IGSF5: variants seen among roughly 807,000 people sequenced by gnomAD.
The protein encoded by IGSF5 is immunoglobulin superfamily 5 like.
In IGSF5, 41 loss-of-function variants were observed where a neutral mutation model predicts 39.4. That is an observed-to-expected ratio of 1.04 (90% CI 0.81 to 1.35). IGSF5 has a LOEUF of 1.35. Among genes scored for constraint, IGSF5 ranks in the 40% most tolerant of loss-of-function variants. The pLI is 0.00. For synonymous variants in IGSF5, 183 were observed against 175.3 expected (o/e 1.04, Z -0.34); for missense variants, 487 against 494.6 (o/e 0.98, Z 0.15).
At chr21:39,748,075 C>T (rs899052887) in intron 2 of IGSF5, among the ~76,000 whole-genome samples, 35 of 152,072 alleles carry the variant, frequency 2.3e-4, no homozygotes, top group Admixed American at 6.6e-4. Flanking sequence ...GGGAGAAACA[C>T]TACTCTCTGT....
At chr21:39,753,583 C>T (rs992918036) in intron 2 of IGSF5, among the ~76,000 whole-genome samples, 4 of 152,050 alleles carry the variant, frequency 2.6e-5, no homozygotes, top group African/African-American at 7.2e-5. Flanking sequence ...TATTGAAGTC[C>T]CCCACTATTA....
intron 2 of IGSF5, among the ~76,000 whole-genome samples, 182 bp from the exon 3 acceptor site, chr21:39,765,353 G>A (rs1328091301): frequency 6.6e-6 from 1 of 152,156 alleles, no homozygotes; most frequent in Non-Finnish European, 1.5e-5. Context: ...GCATGGCAGT[G>A]GCTTCCACCG....
chr21:39,767,399 G>T (rs1569252355), intron 3 of IGSF5, among the ~76,000 whole-genome samples: 1 of 152,138 alleles, frequency 6.6e-6, no homozygotes, highest in Non-Finnish European at 1.5e-5. Flanking sequence ...GTGGTCTAGT[G>T]GTCAGGAGTG....
chr21:39,794,463 G>A (rs8134415), intron 8 of IGSF5, among the ~76,000 whole-genome samples: 2,620 of 152,232 alleles, frequency 0.017, 35 homozygotes, highest in Non-Finnish European at 0.024. Flanking sequence ...TTAAGTAAAC[G>A]GTCAACTGGC....
chr21:39,797,033 C>T (rs560644255), intron 8 of IGSF5, among the ~76,000 whole-genome samples: 2 of 152,282 alleles, frequency 1.3e-5, no homozygotes, highest in Admixed American at 6.5e-5. Context: ...TGTTAACACT[C>T]GGCAATTTCA....
intron 1 of IGSF5, among the ~76,000 whole-genome samples, chr21:39,745,989 G>A (rs961792983): frequency 8.5e-5 from 13 of 152,186 alleles, no homozygotes; most frequent in African/African-American, 3.1e-4. Context: ...CAAGCCTCGT[G>A]TTCTCTGACC....
intron 2 of IGSF5, among the ~76,000 whole-genome samples, chr21:39,753,771 G>T (rs1352271771): frequency 2.0e-5 from 3 of 151,242 alleles, no homozygotes; most frequent in Non-Finnish European, 2.9e-5. Flanking sequence ...TTGCTTTAAA[G>T]TCTGTTTTGT....
chr21:39,797,439 G>A (rs567114331), intron 8 of IGSF5, among the ~76,000 whole-genome samples: 2 of 152,142 alleles, frequency 1.3e-5, no homozygotes, highest in Admixed American at 6.5e-5. Flanking sequence ...GGCTGGGCTC[G>A]AACTCCTGAC....
At chr21:39,724,856 C>T in the IGSF5 span, among the ~76,000 whole-genome samples, 61 of 152,196 alleles carry the variant, frequency 4.0e-4, no homozygotes, top group African/African-American at 1.2e-3. Context: ...GGAGTCTAGG[C>T]CTGTACATCT....
intron 2 of IGSF5, among the ~76,000 whole-genome samples, chr21:39,747,940 C>CA (rs200945240): frequency 0.14 from 16,139 of 118,470 alleles, 987 homozygotes; most frequent in East Asian, 0.34. Flanking sequence ...AAAACTCTGG[C>CA]AAAAAAAAAA....
chr21:39,755,762 TG>T (rs2080026590), intron 2 of IGSF5, among the ~76,000 whole-genome samples: 1 of 152,218 alleles, frequency 6.6e-6, no homozygotes, highest in Non-Finnish European at 1.5e-5. Context: ...TGCAAGGGGC[TG>T]GGTCCCACAG....
At chr21:39,759,066 G>A (rs1455031331) in intron 2 of IGSF5, among the ~76,000 whole-genome samples, 1 of 140,396 alleles carries the variant, frequency 7.1e-6, no homozygotes, top group Admixed American at 7.6e-5. Context: ...GTGTAGACAT[G>A]TTTTGCTTGT....
intron 3 of IGSF5, among the ~76,000 whole-genome samples, chr21:39,766,825 A>G (rs1406128038): frequency 2.0e-5 from 3 of 152,156 alleles, no homozygotes; most frequent in Admixed American, 1.3e-4. Flanking sequence ...AATATATTAT[A>G]TCTTATAAAT....
chr21:39,775,241 C>A (rs1295464733), intron 4 of IGSF5, among the ~76,000 whole-genome samples: 2 of 152,230 alleles, frequency 1.3e-5, no homozygotes, highest in African/African-American at 2.4e-5. Context: ...AATCCCAGCT[C>A]ACACAATCAC....
chr21:39,738,165 CAG>C, the IGSF5 span, among the ~76,000 whole-genome samples: 3 of 152,170 alleles, frequency 2.0e-5, no homozygotes, highest in Admixed American at 1.3e-4. The surrounding 1 kb of genome is among the most constrained non-coding windows in gnomAD (Gnocchi z 6.4). Context: ...TGGGAAGAAA[CAG>C]AGGTTTAATG....
chr21:39,769,056 G>A lies in IGSF5; in HGVS notation c.419-1860G>A, dbSNP rs536836654. Among the ~76,000 whole-genome samples, 28 of 152,312 alleles carry A rather than the reference G, an allele frequency of 1.8e-4. 1 individual carries two copies. The South Asian group carries it at 5.8e-3, about 32-fold the overall frequency. On this transcript the variant is annotated intron_variant, in intron 3 of 8. Coordinates refer to ENST00000380588, the MANE Select transcript of IGSF5 (RefSeq NM_001080444.2). ...ATGCCTCAGAATTTTCCAGATGACT[G>A]AAGTGTAACAAAATCATGCAAGGAT...
chr21:39,779,410 A>G, intron 5 of IGSF5, 105 bp downstream of exon 5: 2 of 1,364,350 alleles, frequency 1.5e-6, no homozygotes, highest in Non-Finnish European at 2.0e-6. Context: ...ATTAACTACA[A>G]TATCACTTTA....
At position 39,765,648 on chromosome 21, in the gene IGSF5, G is replaced by A; in HGVS notation, c.214G>A (p.Ala72Thr). 6.2e-7 allele frequency: 1 copy of A among 1,614,120 alleles called. No individual in the cohort carries two copies. The highest frequency in any genetic ancestry group is 1.7e-5 in the Admixed American group (1 of 60,020). Residue 72 changes from alanine to threonine, a missense_variant, in exon 3 of 9, where the codon GCT (alanine) becomes ACT (threonine). Ala to Thr is a moderately conservative substitution (Grantham distance 58). Coordinates refer to ENST00000380588, the MANE Select transcript of IGSF5 (RefSeq NM_001080444.2). Reference sequence around the variant, plus strand: ...CCAGGGCTGGAAGCTCATCATGTGGGCTCTCAGTGACATGGTGGTGCTAAG... The same window carrying A: ...CCAGGGCTGGAAGCTCATCATGTGGACTCTCAGTGACATGGTGGTGCTAAG... ...VSQGWKLIMW[A>T]LSDMVVLSVR...
chr21:39,716,872 G>C, the IGSF5 span, among the ~76,000 whole-genome samples: 1 of 152,296 alleles, frequency 6.6e-6, no homozygotes, highest in South Asian at 2.1e-4. Flanking sequence ...CCATTAATGG[G>C]ATTGCTTGGT....
Sources: allele counts gnomAD v4.1 joint callset (sites outside exome capture counted in the v4.1 genomes callset), GRCh38; gene constraint gnomAD v4.1.1; non-coding constraint Gnocchi (gnomAD v3.1); transcripts MANE v1.5; gene names NCBI Gene and HGNC (gene_info 2026-07-23, HGNC 2026-07-21).